DCHS2: variants seen among roughly 807,000 people sequenced by gnomAD.
The protein encoded by DCHS2 is dachsous cadherin-related 2, also known as protocadherin-23.
In DCHS2, 142 loss-of-function variants were observed where a neutral mutation model predicts 182.4. The observed-to-expected ratio is 0.78, with a 90% CI of 0.68 to 0.89. The LOEUF (loss-of-function observed/expected upper bound fraction) is 0.89. Among genes scored for constraint, DCHS2 ranks in the 40% least tolerant of loss-of-function variants. DCHS2 has a pLI of 0.00. For synonymous variants in DCHS2, 1,740 were observed against 1,663.3 expected, an observed-to-expected ratio of 1.05 and a Z score of -1.12; for missense variants, 4,319 against 4,198.6, an observed-to-expected ratio of 1.03 and a Z score of -0.79.
chr4:154,390,522 C>A (rs112899598), intron 1 of DCHS2, among the ~76,000 whole-genome samples: 50 of 151,014 alleles, frequency 3.3e-4, no homozygotes, highest in South Asian at 1.1e-3. Flanking sequence ...ACACACACAC[C>A]CACACATGCA....
intron 1 of DCHS2, among the ~76,000 whole-genome samples, chr4:154,458,962 A>C (rs958732260): frequency 6.6e-6 from 1 of 152,246 alleles, no homozygotes; most frequent in African/African-American, 2.4e-5. Context: ...TGATCTAAAA[A>C]ATACCAAATG....
rs1435866720 is a variant in DCHS2 at position 154,240,801 on chromosome 4, C to G, written c.7095G>C (p.Val2365=). The change falls in exon 18 of 20, where the codon GTG becomes GTC. Residue 2365 remains valine, a synonymous_variant. Coordinates refer to ENST00000357232, the MANE Select transcript of DCHS2 (RefSeq NM_001358235.2). ...CCACATCATGAACTGACACATGAGT[C>G]ACAATTACACCAGGCAAAGAATCTG... ...ITEDSLPGVI[V]THVSVHDVDL... 1 of 1,613,528 alleles carries G rather than the reference C, an allele frequency of 6.2e-7. No individual in the cohort carries two copies. Among genetic ancestry groups the G allele is most frequent in the Non-Finnish European group, 8.5e-7 (1 of 1,179,846 alleles).
chr4:154,455,744 G>T (rs1357275526), intron 1 of DCHS2, among the ~76,000 whole-genome samples: 1 of 152,166 alleles, frequency 6.6e-6, no homozygotes, highest in African/African-American at 2.4e-5. Flanking sequence ...GCTCAATAAA[G>T]TGTTTCTTGG....
In DCHS2 at chr4:154,490,355, C is replaced by G. The variant is rs1560790124; in HGVS notation, c.1001G>C (p.Ser334Thr). 1.3e-6 allele frequency: 2 copies of G among 1,538,954 alleles called. No homozygotes were observed. The highest frequency in any genetic ancestry group is 1.7e-6 in the Non-Finnish European group (2 of 1,145,526). Residue 334 changes from serine (S) to threonine (T), a missense_variant, in exon 1 of 20, where the codon AGC becomes ACC. By Grantham distance (58) the Ser-to-Thr change is moderately conservative. Coordinates refer to ENST00000357232, the MANE Select transcript of DCHS2 (RefSeq NM_001358235.2). ...CCCAGGCACTTGCCGGGCGCGGACGCTGTAGCGCACGAAGCCATTGGGCCC... is the reference window on the plus strand; with the variant it reads ...CCCAGGCACTTGCCGGGCGCGGACGGTGTAGCGCACGAAGCCATTGGGCCC... ...DLGPNGFVRYSVRARQVPGAG... is the reference protein window; with the variant it reads ...DLGPNGFVRYTVRARQVPGAG...
At chr4:154,410,125 A>G (rs1252649138) in intron 1 of DCHS2, among the ~76,000 whole-genome samples, 2 of 152,190 alleles carry the variant, frequency 1.3e-5, no homozygotes, top group African/African-American at 2.4e-5. Context: ...GCAAGGAAAC[A>G]TGATACCACC....
chr4:154,234,498 T>A lies in DCHS2; in HGVS notation c.*38A>T. The A allele has an allele frequency of 1.3e-6, 2 of 1,538,428 alleles. No homozygotes were observed. Among genetic ancestry groups the A allele is most frequent in the Non-Finnish European group, 1.7e-6 (2 of 1,142,856 alleles). On this transcript the variant is annotated 3_prime_UTR_variant, in exon 20 of 20. Transcript: ENST00000357232. ...TGAAAACATTTTGTTCATTCATTCATGACCAATGGTGAGCAGGTACTTGGC... is the reference window on the plus strand; with the variant it reads ...TGAAAACATTTTGTTCATTCATTCAAGACCAATGGTGAGCAGGTACTTGGC...
intron 3 of DCHS2, among the ~76,000 whole-genome samples, chr4:154,337,388 C>T (rs1473157372): frequency 6.6e-6 from 1 of 152,170 alleles, no homozygotes; most frequent in Non-Finnish European, 1.5e-5. Context: ...ACCTGGTCTT[C>T]CTGCATCCCG....
chr4:154,443,684 G>T (rs940734032), intron 1 of DCHS2, among the ~76,000 whole-genome samples: 1 of 152,034 alleles, frequency 6.6e-6, no homozygotes, highest in East Asian at 1.9e-4. Flanking sequence ...CATATCATAG[G>T]CATCATCAAT....
chr4:154,490,740 G>C lies in DCHS2; in HGVS notation c.616C>G (p.Leu206Val), dbSNP rs1338830612. ...AGLFSTQGYT[L>V]VQPSDLPKDP... Reference sequence around the variant, plus strand: ...TTGGGCAGGTCGGACGGTTGCACCAGGGTGTAGCCCTGAGTGCTGAACAGT... The same window carrying C: ...TTGGGCAGGTCGGACGGTTGCACCACGGTGTAGCCCTGAGTGCTGAACAGT... Residue 206 changes from leucine to valine, a missense_variant, in exon 1 of 20, where the codon CTG becomes GTG. By Grantham distance (32) the Leu-to-Val change is conservative (BLOSUM62 1). Coordinates refer to ENST00000357232, the MANE Select transcript of DCHS2 (RefSeq NM_001358235.2). 1.9e-6 allele frequency: 3 copies of C among 1,551,644 alleles called. No homozygotes were observed. The highest frequency in any genetic ancestry group is 2.6e-6 in the Non-Finnish European group (3 of 1,146,924).
chr4:154,252,970 G>A (rs967499792), intron 16 of DCHS2, among the ~76,000 whole-genome samples: 1 of 152,034 alleles, frequency 6.6e-6, no homozygotes, highest in Non-Finnish European at 1.5e-5. Context: ...GAAGCTAAAT[G>A]AGACTGTTTC....
chr4:154,361,165 C>T (rs1561067121), intron 3 of DCHS2, among the ~76,000 whole-genome samples: 1 of 151,990 alleles, frequency 6.6e-6, no homozygotes, highest in South Asian at 2.1e-4. Flanking sequence ...CCAATGGTTG[C>T]CTGAATAAAA....
At chr4:154,274,172 C>A (rs1733726743) in intron 13 of DCHS2, among the ~76,000 whole-genome samples, 1 of 152,118 alleles carries the variant, frequency 6.6e-6, no homozygotes, top group Non-Finnish European at 1.5e-5. Context: ...CTTCAGGATG[C>A]TGAAGATTCT....
chr4:154,374,099 A>G, intron 2 of DCHS2: 1 of 669,524 alleles, frequency 1.5e-6, no homozygotes, highest in South Asian at 2.1e-5. Context: ...TTCCCAATGC[A>G]CTTCTGGAGC....
intron 1 of DCHS2, among the ~76,000 whole-genome samples, chr4:154,405,768 G>T (rs187632961): frequency 1.3e-5 from 2 of 152,260 alleles, no homozygotes; most frequent in Admixed American, 1.3e-4. Flanking sequence ...GTCCTTGTCT[G>T]CTAAATCTAA....
rs535493502 is a variant in DCHS2, at chr4:154,291,565, C to T, written c.6463+6286G>A. ...ACTTAAGTGTCCATCAACAGCTGAA[C>T]GGATAAAGAAAATGTGGTACATATA... is the stretch of plus-strand genomic sequence containing the variant. On this transcript the variant is annotated intron_variant, in intron 13 of 19. Coordinates refer to ENST00000357232, the MANE Select transcript of DCHS2 (RefSeq NM_001358235.2). Among the ~76,000 whole-genome samples the T allele has an allele frequency of 2.0e-3, 309 of 151,942 alleles. 1 individual carries two copies. Among genetic ancestry groups the T allele is most frequent in the African/African-American group, 7.3e-3 (303 of 41,440 alleles).
rs144293672 is a variant in DCHS2, at chr4:154,405,324, G to T, written c.2053-27880C>A. ...TTGTTTGGTTTTTCAGCAGTTTGAG[G>T]ATGATTTGCTGAAGTGTATTTTTCC... On this transcript the variant is annotated intron_variant, in intron 1 of 19. Coordinates refer to ENST00000357232, the MANE Select transcript of DCHS2 (RefSeq NM_001358235.2). Among the ~76,000 whole-genome samples the T allele has an allele frequency of 7.1e-3, 1,073 of 151,726 alleles. 13 individuals carry two copies. The highest frequency in any genetic ancestry group is 0.024 in the African/African-American group (1,011 of 41,464).
chr4:154,457,610 C>T (rs1223174692), intron 1 of DCHS2, among the ~76,000 whole-genome samples: 4 of 152,136 alleles, frequency 2.6e-5, no homozygotes, highest in Non-Finnish European at 2.9e-5. Flanking sequence ...CAACCAGCAG[C>T]AGTAGTGTTG....
intron 13 of DCHS2, among the ~76,000 whole-genome samples, chr4:154,283,861 A>C (rs1356798764): frequency 2.0e-5 from 3 of 152,154 alleles, no homozygotes; most frequent in Admixed American, 1.3e-4. Context: ...TGACACTCAG[A>C]CTTTAGATTC....
chr4:154,388,243 A>G (rs1309402675), intron 1 of DCHS2, among the ~76,000 whole-genome samples: 1 of 152,138 alleles, frequency 6.6e-6, no homozygotes, highest in Non-Finnish European at 1.5e-5. Flanking sequence ...CATTCATAAG[A>G]GAGAATTCAA....
Sources: allele counts gnomAD v4.1 joint callset (sites outside exome capture counted in the v4.1 genomes callset), GRCh38; gene constraint gnomAD v4.1.1; transcripts MANE v1.5; gene names NCBI Gene and HGNC (gene_info 2026-07-23, HGNC 2026-07-21).